Variants in CCDC90B observed in about 807,000 individuals in gnomAD.
CCDC90B encodes the protein coiled-coil domain-containing protein 90B, mitochondrial.
A neutral mutation model predicts 37.0 loss-of-function variants in CCDC90B; 24 were observed. That is an observed-to-expected ratio of 0.65 (90% CI 0.47 to 0.91). The LOEUF (loss-of-function observed/expected upper bound fraction) is 0.91, where lower values mean the gene tolerates loss of function less well. CCDC90B is among the 40% of genes least tolerant of loss of function. CCDC90B has a pLI of 0.00. For synonymous variants in CCDC90B, 113 were observed against 101.1 expected (o/e 1.12, Z -0.71); for missense variants, 319 against 299.0 (o/e 1.07, Z -0.49).
chr11:83,269,726 G>T (rs1052632026), intron 7 of CCDC90B, among the ~76,000 whole-genome samples: 15 of 152,084 alleles, frequency 9.9e-5, no homozygotes, highest in African/African-American at 3.6e-4. Context: ...TCTACCAGAG[G>T]TACAAAGAGG....
chr11:83,263,372 CTGT>C (rs780851656), intron 8 of CCDC90B, among the ~76,000 whole-genome samples: 3 of 152,286 alleles, frequency 2.0e-5, no homozygotes, highest in East Asian at 1.9e-4. Context: ...TTTCTCATGG[CTGT>C]TGTTGCAGTA....
At chr11:83,262,200 G>A (rs1039961807) in intron 8 of CCDC90B, among the ~76,000 whole-genome samples, 1 of 152,026 alleles carries the variant, frequency 6.6e-6, no homozygotes, top group Non-Finnish European at 1.5e-5. Flanking sequence ...ATGTCATTTA[G>A]AAACCTATAA....
At position 83,273,748 on chromosome 11, in the gene CCDC90B, A is replaced by C. The variant is rs780068167; in HGVS notation, c.540+45T>G. ...AAGTTAAAAAAAAAGTCTAAAAATA[A>C]AAAAGGAGTAAGTAACCAAGAAAGT... On this transcript the variant is annotated intron_variant, in intron 6 of 8. Coordinates refer to ENST00000529689, the MANE Select transcript of CCDC90B (RefSeq NM_021825.5). 3 of 1,600,972 alleles carry C rather than the reference A, an allele frequency of 1.9e-6. No individual in the cohort carries two copies. The Middle Eastern group carries it at 5.0e-4, about 269-fold the overall frequency.
chr11:83,273,927 CAGCT>C lies in CCDC90B; in HGVS notation c.468+20_468+23del. On this transcript the variant is annotated intron_variant, in intron 5 of 8. Coordinates refer to ENST00000529689, the MANE Select transcript of CCDC90B (RefSeq NM_021825.5). Reference sequence around the variant, plus strand: ...TAACGAATATTTGTTCTGAAATTAACAGCTAGAAAAAAAATTCACTTACCATTAG... The same window carrying C: ...TAACGAATATTTGTTCTGAAATTAACAGAAAAAAAATTCACTTACCATTAG... 5 of 1,584,234 alleles carry C rather than the reference CAGCT, an allele frequency of 3.2e-6. No homozygotes were observed. The highest frequency in any genetic ancestry group is 4.3e-6 in the Non-Finnish European group (5 of 1,169,296).
chr11:83,275,348 C>A (rs764086391), intron 3 of CCDC90B, among the ~76,000 whole-genome samples: 9 of 152,018 alleles, frequency 5.9e-5, no homozygotes, highest in Non-Finnish European at 1.3e-4. Flanking sequence ...TTTAAGACAG[C>A]CTTACAAAGA....
At chr11:83,270,933 C>G (rs1304001325) in intron 7 of CCDC90B, among the ~76,000 whole-genome samples, 2 of 152,126 alleles carry the variant, frequency 1.3e-5, no homozygotes, top group East Asian at 3.9e-4. Context: ...GATATACAGA[C>G]CAATGGAACA....
At chr11:83,274,786 CT>C in intron 3 of CCDC90B, 46 bp from the exon 4 acceptor site, 2 of 1,194,134 alleles carry the variant, frequency 1.7e-6, no homozygotes, top group Non-Finnish European at 2.4e-6. Flanking sequence ...AGAAAGCCAT[CT>C]TTTTATTTAC....
At chr11:83,267,086 A>G (rs1864326915) in intron 7 of CCDC90B, 1 of 152,280 alleles carries the variant, frequency 6.6e-6, no homozygotes, top group Non-Finnish European at 1.5e-5. Flanking sequence ...AAGGTCATCT[A>G]CACCAAAACC....
At chr11:83,274,105 C>T (rs1864872796) in intron 4 of CCDC90B, 113 bp from the exon 5 acceptor site, 1 of 687,682 alleles carries the variant, frequency 1.5e-6, no homozygotes, top group Admixed American at 4.0e-5. Context: ...ATTTCTAATA[C>T]AGAATTGATA....
rs1865683427 is a variant in CCDC90B at position 83,286,183 on chromosome 11, T to C, written c.-211A>G. 6.5e-7 allele frequency: 1 copy of C among 1,534,256 alleles called. No individual in the cohort carries two copies. Among genetic ancestry groups the C allele is most frequent in the Non-Finnish European group, 8.7e-7 (1 of 1,145,532 alleles). On this transcript the variant is annotated 5_prime_UTR_variant, in exon 1 of 9. Coordinates refer to ENST00000529689, the MANE Select transcript of CCDC90B (RefSeq NM_021825.5). Reference sequence around the variant, plus strand: ...ACAGTTCGCGAGCATGGCTCAGCGCTGCCCCGCTTCTCCCAGCGCCCCTTC... The same window carrying C: ...ACAGTTCGCGAGCATGGCTCAGCGCCGCCCCGCTTCTCCCAGCGCCCCTTC...
chr11:83,273,759 A>G (rs749243705), intron 6 of CCDC90B, 34 bp downstream of exon 6: 3 of 1,601,798 alleles, frequency 1.9e-6, no homozygotes, highest in Non-Finnish European at 2.6e-6. Flanking sequence ...AAAAGGAGTA[A>G]GTAACCAAGA....
At chr11:83,263,706 A>G (rs900428251) in intron 8 of CCDC90B, among the ~76,000 whole-genome samples, 8 of 152,198 alleles carry the variant, frequency 5.3e-5, no homozygotes, top group Non-Finnish European at 1.0e-4. Context: ...AAAGAGGGCA[A>G]TCTCTCCTGA....
At position 83,281,242 on chromosome 11, in the gene CCDC90B, A is replaced by G. The variant is rs139897147; in HGVS notation, c.101-982T>C. On this transcript the variant is annotated intron_variant, in intron 1 of 8. Coordinates refer to ENST00000529689, the MANE Select transcript of CCDC90B (RefSeq NM_021825.5). Reference sequence around the variant, plus strand: ...TTAAAAGGCTGCAACTTCAGGCATTATTTTTCCACTAGTACTGTGTAGGAC... The same window carrying G: ...TTAAAAGGCTGCAACTTCAGGCATTGTTTTTCCACTAGTACTGTGTAGGAC... 3.6e-3 allele frequency among the ~76,000 whole-genome samples: 545 copies of G among 152,262 alleles called. 5 individuals are homozygous for G. The highest frequency in any genetic ancestry group is 6.4e-3 in the Non-Finnish European group (438 of 68,014).
chr11:83,264,696 T>TTGGAAC (rs1161728814), intron 8 of CCDC90B, among the ~76,000 whole-genome samples: 2 of 152,072 alleles, frequency 1.3e-5, no homozygotes, highest in African/African-American at 2.4e-5. Context: ...AGTATCTTTG[T>TTGGAAC]TGGAACCAAC....
intron 3 of CCDC90B, among the ~76,000 whole-genome samples, chr11:83,276,511 C>A: frequency 6.6e-6 from 1 of 152,074 alleles, no homozygotes; most frequent in Non-Finnish European, 1.5e-5. Context: ...TCATGCCTGG[C>A]TAATTTTTTT....
At chr11:83,265,104 A>G (rs1864172115) in intron 8 of CCDC90B, among the ~76,000 whole-genome samples, 1 of 152,196 alleles carries the variant, frequency 6.6e-6, no homozygotes. Context: ...ACTTATAAAA[A>G]AAATTTATAA....
At chr11:83,278,655 G>T (rs967709948) in intron 3 of CCDC90B, 71 bp downstream of exon 3, 14 of 1,013,274 alleles carry the variant, frequency 1.4e-5, no homozygotes, top group Non-Finnish European at 2.0e-5. Flanking sequence ...AGGTCAGTAG[G>T]TAGACAGAGA....
At chr11:83,264,570 G>C (rs1864132880) in intron 8 of CCDC90B, among the ~76,000 whole-genome samples, 1 of 152,148 alleles carries the variant, frequency 6.6e-6, no homozygotes, top group Non-Finnish European at 1.5e-5. Flanking sequence ...TCTGCTGTTA[G>C]TCTGACGGGC....
At chr11:83,285,805 G>A (rs1157955271) in intron 1 of CCDC90B, 68 bp downstream of exon 1, 10 of 1,534,844 alleles carry the variant, frequency 6.5e-6, no homozygotes, top group Non-Finnish European at 8.7e-6. Flanking sequence ...GCTCGAGCAG[G>A]CGCGACCCCA....
Sources: allele counts gnomAD v4.1 joint callset (sites outside exome capture counted in the v4.1 genomes callset), GRCh38; gene constraint gnomAD v4.1.1; transcripts MANE v1.5; gene names NCBI Gene and HGNC (gene_info 2026-07-23, HGNC 2026-07-21).